Variants in LOC127903862 observed in about 807,000 individuals in gnomAD.
the LOC127903862 span, chr6:16,328,370 C>T: frequency 2.8e-6 from 4 of 1,450,838 alleles, no homozygotes; most frequent in Admixed American, 9.9e-5. This position sits in a 1 kb window ranked among gnomAD's most constrained non-coding sequence, Gnocchi z 6.2. Context: ...TGATTTTAGT[C>T]TGATAAACGG....
the LOC127903862 span, chr6:16,328,391 T>A: frequency 1.4e-6 from 2 of 1,413,056 alleles, no homozygotes; most frequent in Non-Finnish European, 1.8e-6. The surrounding 1 kb of genome is among the most constrained non-coding windows in gnomAD (Gnocchi z 6.2). Context: ...AAAGTCACAT[T>A]TGATTTCTGT....
At chr6:16,328,354 T>C in the LOC127903862 span, 1 of 1,475,608 alleles carries the variant, frequency 6.8e-7, no homozygotes, top group Non-Finnish European at 8.9e-7. This position sits in a 1 kb window ranked among gnomAD's most constrained non-coding sequence, Gnocchi z 6.2. Flanking sequence ...ACTGTCTGGA[T>C]GGCTCTGATT....
At chr6:16,328,359 C>G in the LOC127903862 span, 1 of 1,470,690 alleles carries the variant, frequency 6.8e-7, no homozygotes, top group South Asian at 1.5e-5. The surrounding 1 kb of genome is among the most constrained non-coding windows in gnomAD (Gnocchi z 6.2). Context: ...CTGGATGGCT[C>G]TGATTTTAGT....
chr6:16,328,402 A>G, the LOC127903862 span: 3 of 1,395,632 alleles, frequency 2.1e-6, no homozygotes, highest in Admixed American at 3.0e-5. The surrounding 1 kb of genome is among the most constrained non-coding windows in gnomAD (Gnocchi z 6.2). Flanking sequence ...TGATTTCTGT[A>G]GGGGATCCAG....
At chr6:16,328,428 T>G in the LOC127903862 span, 2 of 1,343,880 alleles carry the variant, frequency 1.5e-6, no homozygotes, top group South Asian at 2.3e-5. This position sits in a 1 kb window ranked among gnomAD's most constrained non-coding sequence, Gnocchi z 6.2. Flanking sequence ...TCATGAGGAA[T>G]CATCTCCCCG....
chr6:16,328,382 AAGTC>A, the LOC127903862 span: 1 of 1,427,856 alleles, frequency 7.0e-7, no homozygotes, highest in Non-Finnish European at 9.1e-7. The surrounding 1 kb of genome is among the most constrained non-coding windows in gnomAD (Gnocchi z 6.2). Context: ...GATAAACGGA[AAGTC>A]ACATTTGATT....
the LOC127903862 span, chr6:16,328,365 T>G: frequency 1.4e-6 from 2 of 1,459,430 alleles, no homozygotes; most frequent in Non-Finnish European, 1.8e-6. This position sits in a 1 kb window ranked among gnomAD's most constrained non-coding sequence, Gnocchi z 6.2. Context: ...GGCTCTGATT[T>G]TAGTCTGATA....
At chr6:16,328,393 G>C in the LOC127903862 span, 1 of 1,410,096 alleles carries the variant, frequency 7.1e-7, no homozygotes, top group African/African-American at 1.4e-5. The surrounding 1 kb of genome is among the most constrained non-coding windows in gnomAD (Gnocchi z 6.2). Flanking sequence ...AGTCACATTT[G>C]ATTTCTGTAG....
the LOC127903862 span, chr6:16,328,421 T>A: frequency 7.4e-7 from 1 of 1,352,542 alleles, no homozygotes; most frequent in African/African-American, 1.5e-5. The surrounding 1 kb of genome is among the most constrained non-coding windows in gnomAD (Gnocchi z 6.2). Context: ...AGGCTCTTCA[T>A]GAGGAATCAT....
the LOC127903862 span, chr6:16,328,425 G>A: frequency 4.2e-5 from 56 of 1,348,844 alleles, no homozygotes; most frequent in Admixed American, 1.3e-4. This position sits in a 1 kb window ranked among gnomAD's most constrained non-coding sequence, Gnocchi z 6.2. Flanking sequence ...TCTTCATGAG[G>A]AATCATCTCC....
At chr6:16,328,371 T>A in the LOC127903862 span, 1 of 1,444,798 alleles carries the variant, frequency 6.9e-7, no homozygotes, top group Non-Finnish European at 9.1e-7. The surrounding 1 kb of genome is among the most constrained non-coding windows in gnomAD (Gnocchi z 6.2). Flanking sequence ...GATTTTAGTC[T>A]GATAAACGGA....
At chr6:16,328,356 G>C in the LOC127903862 span, 4 of 1,472,006 alleles carry the variant, frequency 2.7e-6, no homozygotes, top group African/African-American at 4.2e-5. The surrounding 1 kb of genome is among the most constrained non-coding windows in gnomAD (Gnocchi z 6.2). Flanking sequence ...TGTCTGGATG[G>C]CTCTGATTTT....
chr6:16,328,378 C>A, the LOC127903862 span: 1 of 1,433,680 alleles, frequency 7.0e-7, no homozygotes, highest in Non-Finnish European at 9.1e-7. This position sits in a 1 kb window ranked among gnomAD's most constrained non-coding sequence, Gnocchi z 6.2. Context: ...GTCTGATAAA[C>A]GGAAAGTCAC....
At chr6:16,328,420 A>G in the LOC127903862 span, 3 of 1,353,940 alleles carry the variant, frequency 2.2e-6, no homozygotes, top group Non-Finnish European at 2.8e-6. The surrounding 1 kb of genome is among the most constrained non-coding windows in gnomAD (Gnocchi z 6.2). Flanking sequence ...CAGGCTCTTC[A>G]TGAGGAATCA....
the LOC127903862 span, chr6:16,328,389 A>G: frequency 7.1e-7 from 1 of 1,417,318 alleles, no homozygotes. The surrounding 1 kb of genome is among the most constrained non-coding windows in gnomAD (Gnocchi z 6.2). Flanking sequence ...GGAAAGTCAC[A>G]TTTGATTTCT....
At chr6:16,328,372 G>T in the LOC127903862 span, 1 of 1,445,140 alleles carries the variant, frequency 6.9e-7, no homozygotes. This position sits in a 1 kb window ranked among gnomAD's most constrained non-coding sequence, Gnocchi z 6.2. Context: ...ATTTTAGTCT[G>T]ATAAACGGAA....
chr6:16,328,396 T>C, the LOC127903862 span: 1 of 1,406,522 alleles, frequency 7.1e-7, no homozygotes, highest in Middle Eastern at 2.6e-4. The surrounding 1 kb of genome is among the most constrained non-coding windows in gnomAD (Gnocchi z 6.2). Context: ...CACATTTGAT[T>C]TCTGTAGGGG....
chr6:16,328,414 CT>C, the LOC127903862 span: 3 of 1,371,722 alleles, frequency 2.2e-6, no homozygotes, highest in Non-Finnish European at 2.8e-6. The surrounding 1 kb of genome is among the most constrained non-coding windows in gnomAD (Gnocchi z 6.2). Context: ...GGGATCCAGG[CT>C]CTTCATGAGG....
the LOC127903862 span, chr6:16,328,390 T>C: frequency 7.1e-6 from 10 of 1,416,398 alleles, no homozygotes; most frequent in African/African-American, 1.4e-4. The surrounding 1 kb of genome is among the most constrained non-coding windows in gnomAD (Gnocchi z 6.2). Context: ...GAAAGTCACA[T>C]TTGATTTCTG....
Sources: allele counts gnomAD v4.1 joint callset, GRCh38; gene constraint gnomAD v4.1.1; non-coding constraint Gnocchi (gnomAD v3.1); transcripts MANE v1.5.